TRIM37: variants seen among roughly 807,000 people sequenced by gnomAD.
The protein encoded by TRIM37 is E3 ubiquitin-protein ligase TRIM37.
Under a neutral mutation model 129.8 loss-of-function variants are expected in TRIM37, and 80 were observed. The observed-to-expected ratio is 0.62, with a 90% confidence interval of 0.51 to 0.74. The LOEUF is 0.74. Ranked by LOEUF, TRIM37 falls within the 30% of genes least tolerant of loss-of-function variation. The pLI is 0.00. For missense variants in TRIM37, 1,054 were observed against 1,176.5 expected (o/e 0.90, Z 1.52); for synonymous variants, 389 against 387.1 (o/e 1.00, Z -0.06).
chr17:59,076,399 G>C (rs2042817335), intron 7 of TRIM37, among the ~76,000 whole-genome samples: 1 of 152,210 alleles, frequency 6.6e-6, no homozygotes, highest in Non-Finnish European at 1.5e-5. Flanking sequence ...AAATTAGCCA[G>C]GAGTGGTGGT....
At chr17:58,972,549 C>T in the TRIM37 span, among the ~76,000 whole-genome samples, 1 of 152,118 alleles carries the variant, frequency 6.6e-6, no homozygotes, top group Non-Finnish European at 1.5e-5. Context: ...CGGGGTTTCA[C>T]CATGTTGGCC....
intron 9 of TRIM37, among the ~76,000 whole-genome samples, chr17:59,065,475 C>A (rs2041852179): frequency 6.6e-6 from 1 of 152,180 alleles, no homozygotes; most frequent in Admixed American, 6.5e-5. Flanking sequence ...TTAGTCCCAT[C>A]CAATCTTCTT....
intron 2 of TRIM37, among the ~76,000 whole-genome samples, chr17:59,097,669 G>C (rs947300578): frequency 2.6e-5 from 4 of 152,154 alleles, no homozygotes; most frequent in African/African-American, 9.7e-5. Flanking sequence ...AGGAAGTTGA[G>C]GCTGCAGTGA....
At chr17:59,005,886 ATATTTATAAT>A (rs2034421811) in intron 22 of TRIM37, among the ~76,000 whole-genome samples, 1 of 152,322 alleles carries the variant, frequency 6.6e-6, no homozygotes, top group East Asian at 1.9e-4. Flanking sequence ...TAAAACGGCG[ATATTTATAAT>A]GAGGACTGAT....
At chr17:59,032,550 A>AAAAAAAAAAG (rs1568030748) in intron 17 of TRIM37, among the ~76,000 whole-genome samples, 1 of 150,412 alleles carries the variant, frequency 6.6e-6, no homozygotes, top group East Asian at 1.9e-4. Context: ...AAAAAAAAAA[A>AAAAAAAAAAG]AAAGAAAGAA....
At chr17:59,036,642 A>AT (rs2038545635) in intron 17 of TRIM37, among the ~76,000 whole-genome samples, 1 of 152,038 alleles carries the variant, frequency 6.6e-6, no homozygotes, top group Non-Finnish European at 1.5e-5. Context: ...GAGTCAATAA[A>AT]TATTTCTTGT....
intron 7 of TRIM37, among the ~76,000 whole-genome samples, chr17:59,076,314 G>A (rs2042809451): frequency 2.6e-5 from 4 of 152,248 alleles, no homozygotes; most frequent in Non-Finnish European, 5.9e-5. Context: ...GCCAAAGCAA[G>A]AGGATAACTT....
chr17:59,085,661 G>C (rs1277239921), intron 4 of TRIM37, among the ~76,000 whole-genome samples: 1 of 152,092 alleles, frequency 6.6e-6, no homozygotes, highest in Non-Finnish European at 1.5e-5. Context: ...ATTAAAAATA[G>C]AATTACCACA....
At chr17:59,048,795 C>G (rs532592069) in intron 15 of TRIM37, among the ~76,000 whole-genome samples, 4 of 152,152 alleles carry the variant, frequency 2.6e-5, no homozygotes, top group Admixed American at 2.0e-4. Flanking sequence ...CAGGGTTTGG[C>G]CATGTTGGCC....
chr17:59,082,261 ACT>A (rs2043366527), intron 5 of TRIM37, among the ~76,000 whole-genome samples: 1 of 152,064 alleles, frequency 6.6e-6, no homozygotes. Flanking sequence ...ACAGAGTGAG[ACT>A]CTGTCTCAAA....
intron 11 of TRIM37, among the ~76,000 whole-genome samples, chr17:59,061,550 A>C (rs951181193): frequency 2.0e-5 from 3 of 152,100 alleles, no homozygotes; most frequent in Non-Finnish European, 2.9e-5. Context: ...TAATATTAGA[A>C]TTCCATATAA....
intron 2 of TRIM37, among the ~76,000 whole-genome samples, chr17:59,097,155 T>C (rs931468148): frequency 3.9e-5 from 6 of 152,102 alleles, no homozygotes; most frequent in Admixed American, 1.3e-4. Context: ...ATAAAAATCA[T>C]AGTCAACGAT....
chr17:59,091,396 ATTACTTAATATTT>A, intron 2 of TRIM37, 56 bp from the exon 3 acceptor site: 1 of 597,026 alleles, frequency 1.7e-6, no homozygotes, highest in Non-Finnish European at 2.3e-6. Context: ...ATATATATAT[ATTACTTAATATTT>A]TATATTTATA....
intron 5 of TRIM37, 98 bp downstream of exon 5, chr17:59,083,904 T>C: frequency 1.0e-6 from 1 of 986,760 alleles, no homozygotes; most frequent in Non-Finnish European, 1.6e-6. Context: ...TTAACTTTCA[T>C]TCTACGAGAG....
intron 4 of TRIM37, 113 bp downstream of exon 4, chr17:59,088,177 GA>G: frequency 2.8e-6 from 2 of 706,408 alleles, no homozygotes; most frequent in East Asian, 5.3e-5. Context: ...TTAAAAACAA[GA>G]AATATAACAC....
chr17:59,012,857 C>G (rs892670233), intron 21 of TRIM37, among the ~76,000 whole-genome samples: 2 of 148,624 alleles, frequency 1.3e-5, no homozygotes, highest in African/African-American at 5.0e-5. Context: ...GCCTGGGCAA[C>G]AGAGTGAGAC....
chr17:59,062,446 G>A (rs2041575199), intron 11 of TRIM37, 121 bp downstream of exon 11: 4 of 780,980 alleles, frequency 5.1e-6, no homozygotes, highest in East Asian at 5.4e-5. Flanking sequence ...CAGGGAATGC[G>A]GACAGCATAT....
intron 20 of TRIM37, among the ~76,000 whole-genome samples, chr17:59,016,086 A>T (rs1397983549): frequency 6.6e-6 from 1 of 152,150 alleles, no homozygotes; most frequent in African/African-American, 2.4e-5. Flanking sequence ...ATATCATTTT[A>T]AAACTACATA....
intron 23 of TRIM37, among the ~76,000 whole-genome samples, 154 bp downstream of exon 23, chr17:59,001,444 T>C (rs922207787): frequency 2.2e-4 from 27 of 121,422 alleles, no homozygotes; most frequent in African/African-American, 8.3e-4. Flanking sequence ...GTCTCACAAA[T>C]GACAATAATT....
Sources: gnomAD v4.1 joint callset for allele counts (sites outside exome capture counted in the v4.1 genomes callset) on GRCh38, gnomAD v4.1.1 for gene constraint, MANE v1.5 for transcripts, NCBI Gene and HGNC (gene_info 2026-07-23, HGNC 2026-07-21) for gene names.